Variants in SSPN observed in about 807,000 individuals in gnomAD.
SSPN encodes the protein K-ras oncogene-associated protein.
A neutral mutation model predicts 19.1 loss-of-function variants in SSPN; 15 were observed. That is an observed-to-expected ratio of 0.78 (90% confidence interval 0.52 to 1.21). The LOEUF (loss-of-function observed/expected upper bound fraction) is 1.21, where lower values mean the gene tolerates loss of function less well. SSPN is among the 50% of genes most tolerant of loss of function. The probability of loss-of-function intolerance (pLI) is 0.00; values close to 1 mark genes in which losing one functional copy is unlikely to be tolerated. For synonymous variants in SSPN, 147 were observed against 140.3 expected, an observed-to-expected ratio of 1.05 and a Z score of -0.34; for missense variants, 291 against 314.0, an observed-to-expected ratio of 0.93 and a Z score of 0.55.
chr12:26,137,320 C>A (rs551853530), intron 1 of SSPN, among the ~76,000 whole-genome samples: 1 of 152,236 alleles, frequency 6.6e-6, no homozygotes, highest in East Asian at 1.9e-4. Context: ...AAAACCCAGA[C>A]AAAAATTCAG....
At position 26,230,954 on chromosome 12, in the gene SSPN, G is replaced by A; in HGVS notation, c.610G>A (p.Val204Ile). The A allele has an allele frequency of 6.2e-7, 1 of 1,614,150 alleles. No homozygotes were observed. The highest frequency in any genetic ancestry group is 8.5e-7 in the Non-Finnish European group (1 of 1,180,032). Reference protein sequence around the residue: ...FLLIQMILNLVCGLVCLLACF... With the variant: ...FLLIQMILNLICGLVCLLACF... ...ACTCATCCAGATGATTCTTAATTTG[G>A]TCTGCGGCCTTGTGTGCTTGTTGGC... Residue 204 changes from valine (V) to isoleucine (I), a missense_variant, in exon 3 of 3, where the codon GTC becomes ATC. Physicochemically the swap from Val to Ile is conservative, Grantham distance 29. Around this residue, in one of 3 missense-constraint regions of SSPN, gnomAD observed 141 missense variants for 166.7 expected, o/e 0.85. Coordinates refer to ENST00000242729, the MANE Select transcript of SSPN (RefSeq NM_005086.5).
intron 1 of SSPN, among the ~76,000 whole-genome samples, chr12:26,173,187 A>G (rs1321370481): frequency 6.6e-6 from 1 of 151,896 alleles, no homozygotes; most frequent in East Asian, 1.9e-4. Context: ...GGGAAACTTT[A>G]CTCTGGGGTG....
In SSPN at chr12:26,166,030, G is replaced by A. The variant is rs192513227; in HGVS notation, c.-31+43878G>A. The stretch of plus-strand genomic sequence containing the variant: ...AACTGATTTTAAGAATATGGTTATC[G>A]CAAACACCGCATGTTCTCACTCCTA... On this transcript the variant is annotated intron_variant, in intron 1 of 2. Coordinates refer to the SSPN transcript ENST00000538142. 3.4e-3 allele frequency among the ~76,000 whole-genome samples: 511 copies of A among 152,146 alleles called. 4 individuals are homozygous for A. Among genetic ancestry groups the A allele is most frequent in the Non-Finnish European group, 5.5e-3 (373 of 68,008 alleles).
At chr12:26,124,502 C>G (rs148798085) in intron 1 of SSPN, 23 of 1,611,556 alleles carry the variant, frequency 1.4e-5, no homozygotes, top group Admixed American at 8.3e-5. Context: ...TGAGGAATAT[C>G]GGGAACTTAC....
chr12:26,138,845 C>T (rs1317597289), intron 1 of SSPN, among the ~76,000 whole-genome samples: 1 of 151,900 alleles, frequency 6.6e-6, no homozygotes, highest in South Asian at 2.1e-4. Context: ...AACTATAGTC[C>T]ATTTTAATTT....
At chr12:26,219,070 A>C (rs910221179) in intron 1 of SSPN, among the ~76,000 whole-genome samples, 3 of 152,228 alleles carry the variant, frequency 2.0e-5, no homozygotes, top group Non-Finnish European at 2.9e-5. Flanking sequence ...TTGCAGGTAC[A>C]CGATGAAACG....
At chr12:26,210,512 G>GTC (rs1034655361) in intron 1 of SSPN, among the ~76,000 whole-genome samples, 39 of 151,064 alleles carry the variant, frequency 2.6e-4, no homozygotes, top group East Asian at 1.6e-3. Context: ...CTCTCTCTGT[G>GTC]TCTCTCTCTC....
chr12:26,179,844 G>A (rs1438840037), intron 1 of SSPN, among the ~76,000 whole-genome samples: 1 of 149,560 alleles, frequency 6.7e-6, no homozygotes, highest in African/African-American at 2.5e-5. Flanking sequence ...CGGTGTTGCA[G>A]TATCTCTGAT....
Position 26,176,422 on chromosome 12 carries a change from G to T in SSPN, c.-30-47871G>T, listed in dbSNP as rs372171250. ...CAAGGCCCTCTAAATCCTTAAAGCG[G>T]TATCAAAAGTCTGCTAAATTTACTT... On this transcript the variant is annotated intron_variant, in intron 1 of 2. Transcript: ENST00000538142. Among the ~76,000 whole-genome samples, 29 of 152,150 alleles carry T rather than the reference G, an allele frequency of 1.9e-4. No individual in the cohort carries two copies. The East Asian group carries it at 3.5e-3, about 18-fold the overall frequency.
At chr12:26,139,284 A>C (rs1233644943) in intron 1 of SSPN, among the ~76,000 whole-genome samples, 1 of 152,294 alleles carries the variant, frequency 6.6e-6, no homozygotes, top group East Asian at 1.9e-4. Flanking sequence ...TTCTGACATT[A>C]ATGTTGATTG....
intron 1 of SSPN, among the ~76,000 whole-genome samples, chr12:26,167,156 CAACA>C (rs1175309939): frequency 6.6e-5 from 10 of 152,112 alleles, no homozygotes; most frequent in South Asian, 2.1e-4. Context: ...TTCGGTTATC[CAACA>C]AACAATTATT....
chr12:26,196,753 G>T (rs1310877338), intron 1 of SSPN, among the ~76,000 whole-genome samples: 1 of 152,202 alleles, frequency 6.6e-6, no homozygotes, highest in Admixed American at 6.5e-5. Flanking sequence ...ACATCGTCCT[G>T]ATGGGATCGT....
chr12:26,216,549 CT>C (rs1565690885), intron 1 of SSPN, among the ~76,000 whole-genome samples: 1 of 80,378 alleles, frequency 1.2e-5, no homozygotes, highest in African/African-American at 5.1e-5. Context: ...ATGGTAGTTT[CT>C]TTTGCTGTGC....
intron 2 of SSPN, among the ~76,000 whole-genome samples, chr12:26,225,170 A>G (rs1336092883): frequency 1.3e-5 from 2 of 152,140 alleles, no homozygotes; most frequent in African/African-American, 4.8e-5. Context: ...ACAAGAAAAC[A>G]TATAAAAACT....
intron 1 of SSPN, among the ~76,000 whole-genome samples, chr12:26,207,943 T>A (rs897390875): frequency 1.3e-5 from 2 of 148,848 alleles, no homozygotes; most frequent in African/African-American, 5.0e-5. Context: ...GAGACAGTGG[T>A]GAGCCATGAT....
At chr12:26,181,946 TA>T (rs1353983533) in intron 1 of SSPN, among the ~76,000 whole-genome samples, 1 of 152,262 alleles carries the variant, frequency 6.6e-6, no homozygotes. Flanking sequence ...TTTTGTTAGT[TA>T]TTTTTTTTAG....
chr12:26,199,644 A>T (rs1944860591), intron 1 of SSPN, among the ~76,000 whole-genome samples: 2 of 152,202 alleles, frequency 1.3e-5, no homozygotes, highest in Admixed American at 1.3e-4. Flanking sequence ...TTTTTCTGGA[A>T]TTCTTATTGA....
intron 2 of SSPN, among the ~76,000 whole-genome samples, chr12:26,228,829 T>A (rs1323327889): frequency 1.3e-5 from 2 of 152,166 alleles, no homozygotes; most frequent in East Asian, 3.8e-4. Flanking sequence ...AAAACTCCAA[T>A]TTTTGCATAA....
At chr12:26,184,854 CA>C (rs778557327) in intron 1 of SSPN, among the ~76,000 whole-genome samples, 20 of 151,896 alleles carry the variant, frequency 1.3e-4, no homozygotes, top group Non-Finnish European at 2.2e-4. Flanking sequence ...CATGAGAAGA[CA>C]ACAAAAATAG....
Sources: gnomAD v4.1 joint callset for allele counts (sites outside exome capture counted in the v4.1 genomes callset) on GRCh38, gnomAD v4.1.1 for gene constraint, gnomAD v4.1.1 regional missense constraint, MANE v1.5 for transcripts, NCBI Gene and HGNC (gene_info 2026-07-23, HGNC 2026-07-21) for gene names.